AP1G2: variants seen among roughly 807,000 people sequenced by gnomAD.
AP1G2 encodes the protein adaptor related protein complex 1 subunit gamma 2.
A neutral mutation model predicts 95.8 loss-of-function variants in AP1G2; 85 were observed. That is an observed-to-expected ratio of 0.89 (90% CI 0.74 to 1.06). AP1G2 has a LOEUF of 1.06. Among genes scored for constraint, AP1G2 ranks in the 50% least tolerant of loss-of-function variants. The probability of loss-of-function intolerance (pLI) is 0.00; values close to 1 mark genes in which losing one functional copy is unlikely to be tolerated. For synonymous variants in AP1G2, 378 were observed against 400.0 expected (o/e 0.94, Z 0.66); for missense variants, 967 against 1,005.8 (o/e 0.96, Z 0.52).
At chr14:23,565,327 C>T in intron 7 of AP1G2, 128 bp from the exon 8 acceptor site, 2 of 993,100 alleles carry the variant, frequency 2.0e-6, no homozygotes, top group Non-Finnish European at 3.1e-6. Context: ...TCCTCACCTC[C>T]ACAGGTCCCT....
chr14:23,566,285 C>T lies in AP1G2; in HGVS notation c.464G>A (p.Arg155His), dbSNP rs200202756. The T allele has an allele frequency of 5.4e-5, 87 of 1,613,594 alleles. No individual in the cohort carries two copies. The highest frequency in any genetic ancestry group is 1.7e-4 in the Admixed American group (10 of 59,974). The change falls in exon 4 of 22, where the codon CGC becomes CAC. Residue 155 changes from arginine to histidine, a missense_variant. Coordinates refer to ENST00000397120, the MANE Select transcript of AP1G2 (RefSeq NM_003917.5). ...GGAGTCCCGCCATCTCACCTTCTTG[C>T]GCACGTAGGGACTGGGCTGCAGGAG... ...KLLLQPSPYVRKKAILTAVHM... is the reference protein window; with the variant it reads ...KLLLQPSPYVHKKAILTAVHM...
chr14:23,563,373 A>G lies in AP1G2; in HGVS notation c.1410+7T>C. The G allele has an allele frequency of 1.3e-6, 2 of 1,582,690 alleles. No individual in the cohort carries two copies. Among genetic ancestry groups the G allele is most frequent in the Non-Finnish European group, 1.7e-6 (2 of 1,165,034 alleles). On this transcript the variant is annotated splice_region_variant and intron_variant, in intron 14 of 21. Coordinates refer to ENST00000397120, the MANE Select transcript of AP1G2 (RefSeq NM_003917.5). Reference sequence around the variant, plus strand: ...CAGCCCTGGGCCTAGGTAGGTGGGAATGGTACCTGGGAAATGTCTTCTGCC... The same window carrying G: ...CAGCCCTGGGCCTAGGTAGGTGGGAGTGGTACCTGGGAAATGTCTTCTGCC...
intron 18 of AP1G2, 36 bp from the exon 19 acceptor site, chr14:23,561,467 G>A: frequency 1.2e-6 from 2 of 1,614,082 alleles, no homozygotes; most frequent in East Asian, 2.2e-5. Flanking sequence ...GGCTGGGTAT[G>A]AAGCTCAGCC....
rs748265357 is a variant in AP1G2 at position 23,567,360 on chromosome 14, C to T, written c.-5-41G>A. 2 of 1,575,396 alleles carry T rather than the reference C, an allele frequency of 1.3e-6. No individual in the cohort carries two copies. The highest frequency in any genetic ancestry group is 2.3e-5 in the East Asian group (1 of 43,334). Reference sequence around the variant, plus strand: ...AGTGGAGAAACACTCTCTGGTCGGGCGTGCCTGGGCTTTCGGCCCAGGCCC... The same window carrying T: ...AGTGGAGAAACACTCTCTGGTCGGGTGTGCCTGGGCTTTCGGCCCAGGCCC... On this transcript the variant is annotated intron_variant, in intron 1 of 21. Coordinates refer to ENST00000397120, the MANE Select transcript of AP1G2 (RefSeq NM_003917.5). The surrounding 1 kb of genome is among the most constrained non-coding windows in gnomAD (Gnocchi z 5.3).
chr14:23,560,795 A>C (rs1884086814), intron 19 of AP1G2: 1 of 162,554 alleles, frequency 6.2e-6, no homozygotes, highest in East Asian at 1.8e-4. Context: ...AAAAAAAAAA[A>C]AAAAAAAAAA....
chr14:23,565,570 C>T lies in AP1G2; in HGVS notation c.741+36G>A, dbSNP rs1887460805. The T allele has an allele frequency of 3.2e-6, 5 of 1,547,644 alleles. No individual in the cohort carries two copies. In the African/African-American group the frequency reaches 6.8e-5, roughly 21 times the overall value. Reference sequence around the variant, plus strand: ...TCATGGTCTTACTGCTATGCCCTCTCTGATCCAGGGATACAGCAGTGAAAG... The same window carrying T: ...TCATGGTCTTACTGCTATGCCCTCTTTGATCCAGGGATACAGCAGTGAAAG... On this transcript the variant is annotated intron_variant, in intron 7 of 21. Transcript: ENST00000397120.
chr14:23,566,817 G>T, intron 2 of AP1G2, 131 bp from the exon 3 acceptor site: 2 of 1,348,918 alleles, frequency 1.5e-6, no homozygotes, highest in Non-Finnish European at 1.0e-6. Flanking sequence ...CCTTCAACAA[G>T]AGGAGAAGCT....
At chr14:23,561,941 G>A (rs746734267) in intron 17 of AP1G2, 21 bp downstream of exon 17, 9 of 1,592,710 alleles carry the variant, frequency 5.7e-6, no homozygotes, top group Non-Finnish European at 7.7e-6. Context: ...GTCCCATGCT[G>A]CAGCACAGTG....
intron 19 of AP1G2, chr14:23,560,830 A>G (rs1474044920): frequency 1.8e-5 from 3 of 168,844 alleles, no homozygotes; most frequent in Non-Finnish European, 3.8e-5. Flanking sequence ...ACAGACCATA[A>G]TAGATGCTAT....
Position 23,560,015 on chromosome 14 carries a change from C to A in AP1G2, c.2179G>T (p.Ala727Ser). ...GCTGGAACTGTGTTCCCACTGGGGGCCTGCAGCTGCAGCTGGAGACTCTGA... is the reference window on the plus strand; with the variant it reads ...GCTGGAACTGTGTTCCCACTGGGGGACTGCAGCTGCAGCTGGAGACTCTGA... ...VPKSLQLQLQ[A>S]PSGNTVPARG... Residue 727 changes from alanine to serine, a missense_variant, in exon 21 of 22, where the codon GCC (alanine) becomes TCC (serine). Physicochemically the swap from Ala to Ser is moderately conservative, Grantham distance 99 (BLOSUM62 1). Transcript: ENST00000397120. 2 of 1,609,106 alleles carry A rather than the reference C, an allele frequency of 1.2e-6. No individual in the cohort carries two copies. Among genetic ancestry groups the A allele is most frequent in the African/African-American group, 2.7e-5 (2 of 74,940 alleles).
chr14:23,563,314 G>A, intron 14 of AP1G2, 66 bp downstream of exon 14: 1 of 1,546,846 alleles, frequency 6.5e-7, no homozygotes, highest in East Asian at 2.4e-5. Context: ...TAGTAGGGAG[G>A]AGGTGGCCCA....
In AP1G2 at chr14:23,562,278, C is replaced by A; in HGVS notation, c.1628+10G>T. The stretch of plus-strand genomic sequence containing the variant: ...AGGCCATCTCTCAAGGGGCTGGGAC[C>A]CCTTCTTACTTGTTGTCCCCACAGA... On this transcript the variant is annotated intron_variant, in intron 16 of 21. Coordinates refer to ENST00000397120, the MANE Select transcript of AP1G2 (RefSeq NM_003917.5). 6.2e-7 allele frequency: 1 copy of A among 1,613,986 alleles called. No individual in the cohort carries two copies. Among genetic ancestry groups the A allele is most frequent in the Non-Finnish European group, 8.5e-7 (1 of 1,179,930 alleles).
rs1886371843 is a variant in AP1G2, at chr14:23,563,868, A to C, written c.1092-12T>G. On this transcript the variant is annotated splice_polypyrimidine_tract_variant and intron_variant, in intron 11 of 21. Coordinates refer to ENST00000397120, the MANE Select transcript of AP1G2 (RefSeq NM_003917.5). ...GTTCCAGGGCTCTCCTGGCAGGAGA[A>C]AGAGGTTTCCATGCAGGTAGCCCAG... The C allele has an allele frequency of 6.2e-7, 1 of 1,612,370 alleles. No individual in the cohort carries two copies. Among genetic ancestry groups the C allele is most frequent in the South Asian group, 1.1e-5 (1 of 90,980 alleles).
chr14:23,560,073 T>C, intron 20 of AP1G2, 37 bp from the exon 21 acceptor site: 3 of 1,477,332 alleles, frequency 2.0e-6, no homozygotes, highest in Non-Finnish European at 2.8e-6. Flanking sequence ...AGTATGGCAG[T>C]AGGTAGGGCT....
chr14:23,566,205 C>T (rs1217082574), intron 4 of AP1G2, 45 bp from the exon 5 acceptor site: 2 of 1,597,584 alleles, frequency 1.3e-6, no homozygotes, highest in African/African-American at 2.7e-5. Flanking sequence ...GGAGATGGAC[C>T]CCTGCATCTA....
In AP1G2 at chr14:23,561,608, A is replaced by G. The variant is rs775092103; in HGVS notation, c.1761T>C (p.Leu587=). The change falls in exon 18 of 22, where the codon CTT becomes CTC. Residue 587 remains leucine, a synonymous_variant. Coordinates refer to ENST00000397120, the MANE Select transcript of AP1G2 (RefSeq NM_003917.5). ...MRAAILEKMP[L]VERDGPQADE... ...CAGCCTGAGGGCCATCTCGCTCCAC[A>G]AGAGGCATTTTTTCCAGGATGGCAG... The G allele has an allele frequency of 1.8e-5, 29 of 1,613,812 alleles. No homozygotes were observed. In the African/African-American group the frequency reaches 2.3e-4, roughly 13 times the overall value.
rs1485244105 is a variant in AP1G2, at chr14:23,562,080, G to A, written c.1629-14C>T. ...TGGCGGATGCGGCTGGGCCAGTGTA[G>A]TATGTAAGTGGCTATGGCAGTGTGC... On this transcript the variant is annotated splice_polypyrimidine_tract_variant and intron_variant, in intron 16 of 21. Transcript: ENST00000397120. The A allele has an allele frequency of 1.9e-6, 3 of 1,611,556 alleles. No individual in the cohort carries two copies. The highest frequency in any genetic ancestry group is 1.3e-5 in the African/African-American group (1 of 74,828).
At position 23,566,578 on chromosome 14, in the gene AP1G2, T is replaced by C. The variant is rs1431765770; in HGVS notation, c.313A>G (p.Thr105Ala). Residue 105 changes from threonine (T) to alanine (A), a missense_variant, in exon 3 of 22, where the codon ACC becomes GCC. By Grantham distance (58) the Thr-to-Ala change is moderately conservative. Coordinates refer to ENST00000397120, the MANE Select transcript of AP1G2 (RefSeq NM_003917.5). ...DERHDAHLLITNSIKNDLSQG... is the reference protein window; with the variant it reads ...DERHDAHLLIANSIKNDLSQG... ...CCCTCTCACTTCTTGATGCTGTTGG[T>C]AATGAGCAGGTGGGCATCGTGCCTC... The C allele has an allele frequency of 1.2e-6, 2 of 1,614,050 alleles. No homozygotes were observed. Among genetic ancestry groups the C allele is most frequent in the African/African-American group, 1.3e-5 (1 of 74,902 alleles).
Position 23,561,499 on chromosome 14 carries a change from C to G in AP1G2, c.1857+13G>C. ...AGCCCGTCTTCCTACCCCAGAGTTTCTAGCCTTCTCACCTGGGGCTCTGTG... is the reference window on the plus strand; with the variant it reads ...AGCCCGTCTTCCTACCCCAGAGTTTGTAGCCTTCTCACCTGGGGCTCTGTG... On this transcript the variant is annotated intron_variant, in intron 18 of 21. Transcript: ENST00000397120. 1 of 1,614,154 alleles carries G rather than the reference C, an allele frequency of 6.2e-7. No homozygotes were observed. The highest frequency in any genetic ancestry group is 8.5e-7 in the Non-Finnish European group (1 of 1,180,012).
Sources: allele counts gnomAD v4.1 joint callset, GRCh38; gene constraint gnomAD v4.1.1; non-coding constraint Gnocchi (gnomAD v3.1); transcripts MANE v1.5; gene names NCBI Gene and HGNC (gene_info 2026-07-23, HGNC 2026-07-21).